PCDHGB2: variants seen among roughly 807,000 people sequenced by gnomAD.
The protein encoded by PCDHGB2 is protocadherin gamma subfamily B, 2, also known as protocadherin gamma-B2.
PCDHGB2 carries 55 observed loss-of-function variants against 59.3 expected under a neutral mutation model. The observed-to-expected ratio is 0.93, with a 90% confidence interval of 0.75 to 1.16. The LOEUF (loss-of-function observed/expected upper bound fraction) is 1.16. Among genes scored for constraint, PCDHGB2 ranks in the 50% most tolerant of loss-of-function variants. The pLI, the probability that PCDHGB2 is intolerant of heterozygous loss-of-function variation, is 0.00. For synonymous variants in PCDHGB2, 516 were observed against 512.0 expected (o/e 1.01, Z -0.11); for missense variants, 1,228 against 1,198.5 (o/e 1.02, Z -0.36).
Position 141,450,631 on chromosome 5 carries a change from T to C in PCDHGB2, c.2422-44176T>C, listed in dbSNP as rs554043866. 6.1e-5 allele frequency among the ~76,000 whole-genome samples: 9 copies of C among 148,320 alleles called. No homozygotes were observed. In the East Asian group the frequency reaches 1.9e-3, roughly 31 times the overall value. Reference sequence around the variant, plus strand: ...CCTCCTGAGTAGCTGGGATTACAGATGCCTGCCACCATGCCTGGCTAATTT... The same window carrying C: ...CCTCCTGAGTAGCTGGGATTACAGACGCCTGCCACCATGCCTGGCTAATTT... On this transcript the variant is annotated intron_variant, in intron 1 of 3. Transcript: ENST00000522605.
At chr5:141,484,501 A>G (rs1185523120) in intron 1 of PCDHGB2, among the ~76,000 whole-genome samples, 2 of 152,232 alleles carry the variant, frequency 1.3e-5, no homozygotes, top group African/African-American at 4.8e-5. Flanking sequence ...GTTTCTGAAT[A>G]TTCTGCAGAA....
In PCDHGB2 at chr5:141,432,670, G is replaced by C; in HGVS notation, c.2422-62137G>C. On this transcript the variant is annotated intron_variant, in intron 1 of 3. Transcript: ENST00000522605. The surrounding 1 kb of genome is among the most constrained non-coding windows in gnomAD (Gnocchi z 6.0). ...CGCGAGCCCTGCTGGACAGAGACGCGCTCAAGCAGAGCCTCGTAGTGGCCG... is the reference window on the plus strand; with the variant it reads ...CGCGAGCCCTGCTGGACAGAGACGCCCTCAAGCAGAGCCTCGTAGTGGCCG... 1 of 1,613,868 alleles carries C rather than the reference G, an allele frequency of 6.2e-7. No homozygotes were observed. The highest frequency in any genetic ancestry group is 8.5e-7 in the Non-Finnish European group (1 of 1,179,940).
At chr5:141,503,675 T>C (rs1233495836) in intron 2 of PCDHGB2, among the ~76,000 whole-genome samples, 1 of 152,104 alleles carries the variant, frequency 6.6e-6, no homozygotes. Flanking sequence ...CTTCCCACTT[T>C]TGGGAAGGAG....
chr5:141,418,954 T>C (rs1490406390), intron 1 of PCDHGB2: 2 of 1,613,914 alleles, frequency 1.2e-6, no homozygotes, highest in Admixed American at 1.7e-5. Flanking sequence ...CAGGAGTGGT[T>C]GTTGCCCTCT....
intron 2 of PCDHGB2, among the ~76,000 whole-genome samples, chr5:141,502,067 CCTTCACCTGGGG>C (rs1307097799): frequency 6.6e-6 from 1 of 152,172 alleles, no homozygotes; most frequent in Non-Finnish European, 1.5e-5. Flanking sequence ...CCATTAGCCC[CCTTCACCTGGGG>C]CTGAGAACAC....
chr5:141,413,665 C>T (rs770111467), intron 1 of PCDHGB2: 1 of 1,613,726 alleles, frequency 6.2e-7, no homozygotes, highest in East Asian at 2.2e-5. Flanking sequence ...AGCTATTGAT[C>T]CGGATGTGGG....
intron 1 of PCDHGB2, among the ~76,000 whole-genome samples, chr5:141,382,003 A>G (rs1271495792): frequency 6.6e-6 from 1 of 150,830 alleles, no homozygotes; most frequent in Non-Finnish European, 1.5e-5. Flanking sequence ...ATAATTTTGT[A>G]TTTTTAGTAG....
chr5:141,375,144 G>C lies in PCDHGB2; in HGVS notation c.2421+12588G>C, dbSNP rs747224962. On this transcript the variant is annotated intron_variant, in intron 1 of 3. Transcript: ENST00000522605. Reference sequence around the variant, plus strand: ...GAAGTGGTTGTTACATCTGGAAGCAGAACAATTGCTGAAAGTGCACCTCCA... The same window carrying C: ...GAAGTGGTTGTTACATCTGGAAGCACAACAATTGCTGAAAGTGCACCTCCA... 18 of 1,613,936 alleles carry C rather than the reference G, an allele frequency of 1.1e-5. No individual in the cohort carries two copies. The South Asian group carries it at 1.4e-4, about 13-fold the overall frequency.
Position 141,425,952 on chromosome 5 carries a change from T to C in PCDHGB2, c.2421+63396T>C, listed in dbSNP as rs1047436598. 3.9e-5 allele frequency among the ~76,000 whole-genome samples: 6 copies of C among 152,364 alleles called. No individual in the cohort carries two copies. In the South Asian group the frequency reaches 8.3e-4, roughly 21 times the overall value. ...ATAAAATGTCTAGTTTCCTATACATTAGTCCAACACATCAGTCTAATTCTG... is the reference window on the plus strand; with the variant it reads ...ATAAAATGTCTAGTTTCCTATACATCAGTCCAACACATCAGTCTAATTCTG... On this transcript the variant is annotated intron_variant, in intron 1 of 3. Coordinates refer to ENST00000522605, the MANE Select transcript of PCDHGB2 (RefSeq NM_018923.3).
At chr5:141,365,068 G>C in intron 1 of PCDHGB2, 1 of 1,613,812 alleles carries the variant, frequency 6.2e-7, no homozygotes, top group South Asian at 1.1e-5. Flanking sequence ...CCCCATCCGA[G>C]TACAGCGTGA....
rs761720184 is a variant in PCDHGB2 at position 141,364,947 on chromosome 5, C to A, written c.2421+2391C>A. On this transcript the variant is annotated intron_variant, in intron 1 of 3. Coordinates refer to ENST00000522605, the MANE Select transcript of PCDHGB2 (RefSeq NM_018923.3). ...CAGCCCCTAGACCGCGAGAAAGAGA[C>A]TGTTCACGACCTCCTCCTCACAGCT... 3 of 1,613,826 alleles carry A rather than the reference C, an allele frequency of 1.9e-6. No homozygotes were observed. Among genetic ancestry groups the A allele is most frequent in the African/African-American group, 1.3e-5 (1 of 74,916 alleles).
chr5:141,487,176 A>T lies in PCDHGB2; in HGVS notation c.2422-7631A>T. ...ACTCTCTTAGTGTCCTTAGAGGAAG[A>T]CACTCATCCAGTTGTCCCAGATCTT... On this transcript the variant is annotated intron_variant, in intron 1 of 3. Transcript: ENST00000522605. This position sits in a 1 kb window ranked among gnomAD's most constrained non-coding sequence, Gnocchi z 5.0. 1 of 1,613,774 alleles carries T rather than the reference A, an allele frequency of 6.2e-7. No individual in the cohort carries two copies. Among genetic ancestry groups the T allele is most frequent in the South Asian group, 1.1e-5 (1 of 91,082 alleles).
chr5:141,380,318 T>G (rs751911275), intron 1 of PCDHGB2, among the ~76,000 whole-genome samples: 1 of 151,992 alleles, frequency 6.6e-6, no homozygotes, highest in Non-Finnish European at 1.5e-5. Context: ...AGAATGAAAA[T>G]CTAAATGGAA....
intron 2 of PCDHGB2, among the ~76,000 whole-genome samples, chr5:141,501,057 C>T (rs185929124): frequency 9.7e-4 from 147 of 151,960 alleles, no homozygotes; most frequent in African/African-American, 3.4e-3. Context: ...TTAGTAGAGA[C>T]GGGGTTTCAC....
chr5:141,496,795 T>C (rs886559302), intron 2 of PCDHGB2, among the ~76,000 whole-genome samples: 27 of 151,976 alleles, frequency 1.8e-4, no homozygotes, highest in Middle Eastern at 3.4e-3. Flanking sequence ...GTGCTAAACA[T>C]TGGGCTATAG....
At chr5:141,375,194 G>A (rs763161370) in intron 1 of PCDHGB2, 1 of 1,613,964 alleles carries the variant, frequency 6.2e-7, no homozygotes, top group South Asian at 1.1e-5. Flanking sequence ...CCTTTTTCAA[G>A]TGTTCGATCG....
At chr5:141,376,211 G>A (rs1772408440) in intron 1 of PCDHGB2, 1 of 1,614,180 alleles carries the variant, frequency 6.2e-7, no homozygotes, top group Admixed American at 1.7e-5. Context: ...CTTCGTCATC[G>A]TGCTGCTGGC....
At chr5:141,435,875 T>C (rs1324511823) in intron 1 of PCDHGB2, among the ~76,000 whole-genome samples, 1 of 152,100 alleles carries the variant, frequency 6.6e-6, no homozygotes, top group African/African-American at 2.4e-5. Flanking sequence ...AGAAAAGAGA[T>C]TGGAAACCCC....
Position 141,476,208 on chromosome 5 carries a change from C to T in PCDHGB2, c.2422-18599C>T, listed in dbSNP as rs1266601125. The T allele has an allele frequency of 6.2e-7, 1 of 1,613,794 alleles. No homozygotes were observed. ...CTTGGTGCCTTGAACAAGGCTTCCA[C>T]GGTCATTCACTATGAGATCCCGGAG... On this transcript the variant is annotated intron_variant, in intron 1 of 3. Coordinates refer to ENST00000522605, the MANE Select transcript of PCDHGB2 (RefSeq NM_018923.3). The surrounding 1 kb of genome is among the most constrained non-coding windows in gnomAD (Gnocchi z 7.6).
Sources: allele counts gnomAD v4.1 joint callset (sites outside exome capture counted in the v4.1 genomes callset), GRCh38; gene constraint gnomAD v4.1.1; non-coding constraint Gnocchi (gnomAD v3.1); transcripts MANE v1.5; gene names NCBI Gene and HGNC (gene_info 2026-07-23, HGNC 2026-07-21).